The following EPB41L2 variants were observed in gnomAD, a reference collection of about 807,000 sequenced individuals.
EPB41L2 encodes the protein erythrocyte membrane protein band 4.1 like 2, also known as band 4.1-like protein 2.
EPB41L2 carries 43 observed loss-of-function variants against 113.0 expected under a neutral mutation model. That is an observed-to-expected ratio of 0.38 (90% CI 0.30 to 0.49). The LOEUF is 0.49. Ranked by LOEUF, EPB41L2 falls within the 20% of genes least tolerant of loss-of-function variation. The pLI is 0.95. For synonymous variants in EPB41L2, 442 were observed against 436.7 expected (o/e 1.01, Z -0.15); for missense variants, 1,147 against 1,223.4 (o/e 0.94, Z 0.93).
rs557578847 is a variant in EPB41L2, at chr6:130,938,468, A to G, written c.706-11759T>C. Reference sequence around the variant, plus strand: ...ATCTTTAAGGTCTTGCTTGATTTAAAACACACATACACAAAAAATGCTACA... The same window carrying G: ...ATCTTTAAGGTCTTGCTTGATTTAAGACACACATACACAAAAAATGCTACA... On this transcript the variant is annotated intron_variant, in intron 3 of 19. Transcript: ENST00000337057. Among the ~76,000 whole-genome samples, 4 of 152,326 alleles carry G rather than the reference A, an allele frequency of 2.6e-5. No individual in the cohort carries two copies. The East Asian group carries it at 5.8e-4, about 22-fold the overall frequency.
At chr6:131,031,813 G>C (rs971311662) in intron 1 of EPB41L2, among the ~76,000 whole-genome samples, 2 of 152,084 alleles carry the variant, frequency 1.3e-5, no homozygotes, top group Admixed American at 1.3e-4. Context: ...GTACACAAAT[G>C]AGAACTAGAA....
intron 1 of EPB41L2, among the ~76,000 whole-genome samples, chr6:130,968,940 A>G (rs112453237): frequency 0.049 from 7,390 of 152,226 alleles, 315 homozygotes; most frequent in African/African-American, 0.11. Context: ...GCTGGAGAAT[A>G]TGTCAGGCAT....
chr6:130,916,908 A>G (rs565204341), intron 4 of EPB41L2, among the ~76,000 whole-genome samples: 1 of 152,256 alleles, frequency 6.6e-6, no homozygotes, highest in Admixed American at 6.5e-5. Flanking sequence ...TGAAAGCTCA[A>G]TATAGAGAGA....
At chr6:130,889,472 CA>C (rs1792089457) in intron 11 of EPB41L2, among the ~76,000 whole-genome samples, 1 of 151,850 alleles carries the variant, frequency 6.6e-6, no homozygotes, top group East Asian at 1.9e-4. Context: ...CACATTTATA[CA>C]TATTTTCCCT....
At chr6:131,028,383 C>T (rs1274926021) in intron 1 of EPB41L2, among the ~76,000 whole-genome samples, 2 of 152,098 alleles carry the variant, frequency 1.3e-5, no homozygotes, top group Non-Finnish European at 2.9e-5. Flanking sequence ...AACAATTTTG[C>T]TCTCCAAGGA....
chr6:131,042,884 G>C (rs1794718963), intron 1 of EPB41L2, among the ~76,000 whole-genome samples: 1 of 152,152 alleles, frequency 6.6e-6, no homozygotes, highest in Non-Finnish European at 1.5e-5. Context: ...AGAAATTCTT[G>C]TGTAATCTGT....
chr6:131,037,654 C>T (rs1793610230), intron 1 of EPB41L2, among the ~76,000 whole-genome samples: 1 of 143,364 alleles, frequency 7.0e-6, no homozygotes, highest in African/African-American at 2.6e-5. Context: ...ACTGGTGCAA[C>T]CTTGGCTCAC....
chr6:130,846,503 A>G (rs542977585), intron 19 of EPB41L2, among the ~76,000 whole-genome samples: 1 of 152,336 alleles, frequency 6.6e-6, no homozygotes, highest in East Asian at 1.9e-4. Flanking sequence ...ATATTTGTGT[A>G]TCTGCTGAGT....
intron 11 of EPB41L2, among the ~76,000 whole-genome samples, chr6:130,886,934 CCAG>C (rs1791211617): frequency 6.6e-6 from 1 of 151,948 alleles, no homozygotes. Context: ...TGCCCAGCCT[CCAG>C]CAGTTTTTTT....
intron 1 of EPB41L2, among the ~76,000 whole-genome samples, chr6:131,002,376 AT>A (rs1249694803): frequency 1.3e-5 from 2 of 152,214 alleles, no homozygotes; most frequent in Non-Finnish European, 2.9e-5. Flanking sequence ...GGGAATGGCA[AT>A]ACAACAGCCT....
chr6:130,845,006 C>CA (rs1302210735), intron 19 of EPB41L2, among the ~76,000 whole-genome samples: 27 of 152,070 alleles, frequency 1.8e-4, no homozygotes, highest in Admixed American at 1.0e-3. Flanking sequence ...CATGCCACTG[C>CA]ACTCCAGCCT....
chr6:130,884,788 A>G (rs915194291), intron 12 of EPB41L2, among the ~76,000 whole-genome samples: 2 of 152,200 alleles, frequency 1.3e-5, no homozygotes, highest in African/African-American at 4.8e-5. Flanking sequence ...CTTGGACCAA[A>G]CCAAAAATAA....
intron 1 of EPB41L2, among the ~76,000 whole-genome samples, chr6:131,001,180 A>T (rs1219244976): frequency 6.6e-6 from 1 of 152,160 alleles, no homozygotes; most frequent in Admixed American, 6.5e-5. Flanking sequence ...CTATAAAGTG[A>T]TGTGGCTGCT....
intron 1 of EPB41L2, among the ~76,000 whole-genome samples, chr6:130,991,936 C>T (rs535148897): frequency 8.6e-5 from 13 of 151,904 alleles, no homozygotes; most frequent in African/African-American, 2.9e-4. Flanking sequence ...TACACCCACC[C>T]GTTGGCTTCA....
chr6:130,846,751 T>C (rs1274714970), intron 19 of EPB41L2, among the ~76,000 whole-genome samples: 2 of 152,214 alleles, frequency 1.3e-5, no homozygotes, highest in Non-Finnish European at 2.9e-5. Flanking sequence ...CTGAATGAAC[T>C]GTATTACTCT....
intron 1 of EPB41L2, among the ~76,000 whole-genome samples, chr6:131,045,718 C>T (rs969145677): frequency 9.2e-5 from 14 of 152,148 alleles, no homozygotes; most frequent in Admixed American, 6.5e-4. Flanking sequence ...ACAGCTTACT[C>T]GGTTTCCCTA....
At chr6:130,933,381 C>T (rs1404398654) in intron 3 of EPB41L2, among the ~76,000 whole-genome samples, 1 of 152,110 alleles carries the variant, frequency 6.6e-6, no homozygotes, top group African/African-American at 2.4e-5. Flanking sequence ...TTGAATATAA[C>T]TTTCTATATT....
At chr6:131,041,374 T>C (rs760690102) in intron 1 of EPB41L2, among the ~76,000 whole-genome samples, 2 of 152,206 alleles carry the variant, frequency 1.3e-5, no homozygotes, top group Non-Finnish European at 2.9e-5. Flanking sequence ...AAAAGCTTAA[T>C]GGGAAATCAA....
At chr6:131,055,919 T>C (rs185630749) in intron 1 of EPB41L2, among the ~76,000 whole-genome samples, 6 of 152,282 alleles carry the variant, frequency 3.9e-5, no homozygotes, top group African/African-American at 1.4e-4. Context: ...CAATGGAACC[T>C]AGAACAAAGC....
Sources: gnomAD v4.1 joint callset for allele counts (sites outside exome capture counted in the v4.1 genomes callset) on GRCh38, gnomAD v4.1.1 for gene constraint, MANE v1.5 for transcripts, NCBI Gene and HGNC (gene_info 2026-07-23, HGNC 2026-07-21) for gene names.